The following BRCA2 variants were observed in gnomAD, a reference collection of about 807,000 sequenced individuals.
BRCA2 encodes the protein BRCA2 DNA repair associated, also known as breast cancer type 2 susceptibility protein.
Under a neutral mutation model 276.7 loss-of-function variants are expected in BRCA2, and 203 were observed. The ratio of observed to expected loss-of-function variants is 0.73; its 90% confidence interval spans 0.65 to 0.82. The LOEUF is 0.82. Among genes scored for constraint, BRCA2 ranks in the 40% least tolerant of loss-of-function variants. The probability of loss-of-function intolerance (pLI) is 0.00; values close to 1 mark genes in which losing one functional copy is unlikely to be tolerated. For missense variants in BRCA2, 3,920 were observed against 3,915.0 expected (o/e 1.00, Z -0.03); for synonymous variants, 1,289 against 1,338.4 (o/e 0.96, Z 0.81).
At chr13:32,336,158 G>T in intron 10 of BRCA2, 107 bp from the exon 11 acceptor site, 1 of 1,272,628 alleles carries the variant, frequency 7.9e-7, no homozygotes, top group Non-Finnish European at 1.1e-6. Flanking sequence ...TGAGATTACA[G>T]GCATGAGCCA....
At chr13:32,316,689 AC>A (rs2072264186) in intron 2 of BRCA2, among the ~76,000 whole-genome samples, 162 bp downstream of exon 2, 1 of 152,210 alleles carries the variant, frequency 6.6e-6, no homozygotes, top group Non-Finnish European at 1.5e-5. Flanking sequence ...TTGCAGGTTA[AC>A]CACATGATAA....
chr13:32,359,137 G>A (rs891780208), intron 16 of BRCA2, among the ~76,000 whole-genome samples: 4 of 141,796 alleles, frequency 2.8e-5, no homozygotes, highest in Non-Finnish European at 6.1e-5. Flanking sequence ...CAGGAAAATC[G>A]TTTGAACCCG....
intron 2 of BRCA2, among the ~76,000 whole-genome samples, chr13:32,317,351 C>T (rs1470423339): frequency 3.9e-5 from 6 of 152,124 alleles, no homozygotes; most frequent in Non-Finnish European, 5.9e-5. Context: ...TTGCAGTTCT[C>T]TTTAATGTCT....
chr13:32,348,584 A>G (rs1052925676), intron 13 of BRCA2, among the ~76,000 whole-genome samples: 2 of 152,190 alleles, frequency 1.3e-5, no homozygotes, highest in Admixed American at 1.3e-4. Context: ...ATGATTTCCA[A>G]CCTAGAATCT....
Position 32,320,712 on chromosome 13 carries a change from C to A in BRCA2, c.316+1387C>A, listed in dbSNP as rs139272797. ...ATACAAAGGGAATATAGGTAATGGGCAAATATTTACATGTATGTTATTGGA... is the reference window on the plus strand; with the variant it reads ...ATACAAAGGGAATATAGGTAATGGGAAAATATTTACATGTATGTTATTGGA... On this transcript the variant is annotated intron_variant, in intron 3 of 26. Transcript: ENST00000380152. 1.2e-4 allele frequency among the ~76,000 whole-genome samples: 18 copies of A among 152,230 alleles called. No homozygotes were observed. The East Asian group carries it at 3.3e-3, about 28-fold the overall frequency.
In BRCA2 at chr13:32,336,913, A is replaced by C. The variant is rs56245590; in HGVS notation, c.2558A>C (p.Gln853Pro). 6.2e-7 allele frequency: 1 copy of C among 1,607,244 alleles called. No individual in the cohort carries two copies. The highest frequency in any genetic ancestry group is 1.1e-5 in the South Asian group (1 of 88,736). ...CCTTCAAGAAAGGTACAATTCAACCAAAACACAAATCTAAGAGTAATCCAA... is the reference window on the plus strand; with the variant it reads ...CCTTCAAGAAAGGTACAATTCAACCCAAACACAAATCTAAGAGTAATCCAA... ...ASPSRKVQFN[Q>P]NTNLRVIQKN... is the part of the protein sequence containing the mutation. The change falls in exon 11 of 27, where the codon CAA becomes CCA. Residue 853 changes from glutamine (Q) to proline (P), a missense_variant. By Grantham distance (76) the Gln-to-Pro change is moderately conservative. Around this residue, in one of 2 missense-constraint regions of BRCA2, gnomAD observed 3,263 missense variants for 3,156.9 expected, o/e 1.03. Coordinates refer to ENST00000380152, the MANE Select transcript of BRCA2 (RefSeq NM_000059.4).
At chr13:32,346,331 C>T (rs1264830675) in intron 12 of BRCA2, among the ~76,000 whole-genome samples, 1 of 151,894 alleles carries the variant, frequency 6.6e-6, no homozygotes, top group Non-Finnish European at 1.5e-5. Context: ...GGAGATGACT[C>T]CTTAATGAGT....
chr13:32,356,366 G>A (rs2137561353), intron 14 of BRCA2, 62 bp from the exon 15 acceptor site: 1 of 1,539,262 alleles, frequency 6.5e-7, no homozygotes, highest in Non-Finnish European at 9.0e-7. Flanking sequence ...CACTGTGCCT[G>A]GCCAGGGGTT....
intron 10 of BRCA2, among the ~76,000 whole-genome samples, chr13:32,334,002 T>TAA (rs1300091705): frequency 3.9e-5 from 6 of 152,248 alleles, no homozygotes; most frequent in Non-Finnish European, 8.8e-5. Flanking sequence ...TTCCACATTT[T>TAA]ATTTATCCAG....
Position 32,336,867 on chromosome 13 carries a change from A to G in BRCA2, c.2512A>G (p.Lys838Glu), listed in dbSNP as rs747578057. The change falls in exon 11 of 27, where the codon AAA becomes GAA. Residue 838 changes from lysine (K) to glutamate (E), a missense_variant. Around this residue, in one of 2 missense-constraint regions of BRCA2, gnomAD observed 3,263 missense variants for 3,156.9 expected, o/e 1.03. Transcript: ENST00000380152. ...YKNVELLPPE[K>E]YMRVASPSRK... is the part of the protein sequence containing the mutation. Reference sequence around the variant, plus strand: ...AAACGTTGAGCTGTTGCCACCTGAAAAATACATGAGAGTAGCATCACCTTC... The same window carrying G: ...AAACGTTGAGCTGTTGCCACCTGAAGAATACATGAGAGTAGCATCACCTTC... 3 of 1,610,340 alleles carry G rather than the reference A, an allele frequency of 1.9e-6. No individual in the cohort carries two copies. Among genetic ancestry groups the G allele is most frequent in the African/African-American group, 2.7e-5 (2 of 74,616 alleles).
chr13:32,321,260 A>G (rs2072304420), intron 3 of BRCA2, among the ~76,000 whole-genome samples: 1 of 152,198 alleles, frequency 6.6e-6, no homozygotes, highest in Admixed American at 6.6e-5. Flanking sequence ...GTGTCTGGCA[A>G]CCTGCTCGGC....
Position 32,338,675 on chromosome 13 carries a change from A to C in BRCA2, c.4320A>C (p.Lys1440Asn), listed in dbSNP as rs769535925. The C allele has an allele frequency of 3.1e-6, 5 of 1,595,592 alleles. No homozygotes were observed. In the East Asian group the frequency reaches 1.1e-4, roughly 36 times the overall value. The change falls in exon 11 of 27, where the codon AAA (lysine) becomes AAC (asparagine). Residue 1440 changes from lysine (K) to asparagine (N), a missense_variant. By Grantham distance (94) the Lys-to-Asn change is moderately conservative. Coordinates refer to ENST00000380152, the MANE Select transcript of BRCA2 (RefSeq NM_000059.4). Reference protein sequence around the residue: ...TASGKNISVAKESFNKIVNFF... With the variant: ...TASGKNISVANESFNKIVNFF... ...GTGGGAAAAATATTAGTGTCGCCAA[A>C]GAGTCATTTAATAAAATTGTAAATT... is the stretch of plus-strand genomic sequence containing the variant.
intron 13 of BRCA2, among the ~76,000 whole-genome samples, chr13:32,349,003 C>T (rs1057189844): frequency 1.3e-5 from 2 of 152,204 alleles, no homozygotes; most frequent in South Asian, 4.1e-4. Flanking sequence ...GGGTAGATCA[C>T]TTGAGGCCAG....
chr13:32,358,402 G>A (rs919388879), intron 16 of BRCA2, among the ~76,000 whole-genome samples: 1 of 151,706 alleles, frequency 6.6e-6, no homozygotes, highest in African/African-American at 2.4e-5. Flanking sequence ...CTTGAACCTG[G>A]GAGGCAGAGG....
rs80359202 is a variant in BRCA2 at position 32,394,733 on chromosome 13, C to T, written c.9301C>T (p.Leu3101=). The T allele has an allele frequency of 1.2e-6, 2 of 1,613,722 alleles. No homozygotes were observed. Among genetic ancestry groups the T allele is most frequent in the African/African-American group, 2.7e-5 (2 of 74,894 alleles). ...TTTGTCAGACGAATGTTACAATTTA[C>T]TGGCAATAAAGTTTTGGATAGACCT... ...VYLSDECYNL[L]AIKFWIDLNE... Residue 3101 remains leucine (L), a synonymous_variant, in exon 25 of 27, where the codon CTG becomes TTG. Coordinates refer to ENST00000380152, the MANE Select transcript of BRCA2 (RefSeq NM_000059.4).
intron 10 of BRCA2, among the ~76,000 whole-genome samples, chr13:32,334,275 C>T (rs891495629): frequency 6.6e-6 from 1 of 152,120 alleles, no homozygotes; most frequent in African/African-American, 2.4e-5. Flanking sequence ...ACATTCAGAG[C>T]TTGGCTAGCT....
intron 24 of BRCA2, among the ~76,000 whole-genome samples, chr13:32,390,963 C>T (rs2072992923): frequency 6.6e-6 from 1 of 152,156 alleles, no homozygotes; most frequent in African/African-American, 2.4e-5. Context: ...GGTTAAGTAG[C>T]CTGCTCAGGG....
intron 12 of BRCA2, among the ~76,000 whole-genome samples, chr13:32,345,114 C>T (rs1566237206): frequency 1.3e-5 from 2 of 152,008 alleles, no homozygotes; most frequent in African/African-American, 2.4e-5. Flanking sequence ...AATTTTTCCC[C>T]GGCAATAAGT....
In BRCA2 at chr13:32,399,786, C is replaced by CATT. The variant is rs1555290251; in HGVS notation, c.*1016_*1017insATT. Reference sequence around the variant, plus strand: ...AGATGATACTCTCATTTGTTACGTCCTTTTTTTTTTTTTTTGGAGATGGAG... The same window carrying CATT: ...AGATGATACTCTCATTTGTTACGTCCATTTTTTTTTTTTTTTTTGGAGATGGAG... On this transcript the variant is annotated 3_prime_UTR_variant, in exon 27 of 27. Coordinates refer to ENST00000380152, the MANE Select transcript of BRCA2 (RefSeq NM_000059.4). 1.4e-5 allele frequency: 2 copies of CATT among 139,278 alleles called. No individual in the cohort carries two copies. Among genetic ancestry groups the CATT allele is most frequent in the African/African-American group, 5.3e-5 (2 of 37,642 alleles). 8.6% of individuals were successfully genotyped at this position (139,278 alleles called of 1,614,324 possible).
Sources: gnomAD v4.1 joint callset for allele counts (sites outside exome capture counted in the v4.1 genomes callset) on GRCh38, gnomAD v4.1.1 for gene constraint, gnomAD v4.1.1 regional missense constraint, MANE v1.5 for transcripts, NCBI Gene and HGNC (gene_info 2026-07-23, HGNC 2026-07-21) for gene names.